Variants in PFDN1 observed in about 807,000 individuals in gnomAD.
The protein encoded by PFDN1 is prefoldin 1.
Under a neutral mutation model 17.3 loss-of-function variants are expected in PFDN1, and 6 were observed. That is an observed-to-expected ratio of 0.35 (90% confidence interval 0.19 to 0.69). The LOEUF is 0.69. Among genes scored for constraint, PFDN1 ranks in the 30% least tolerant of loss-of-function variants. The pLI is 0.65. For missense variants in PFDN1, 113 were observed against 146.2 expected, an observed-to-expected ratio of 0.77 and a Z score of 1.17; for synonymous variants, 58 against 50.1, an observed-to-expected ratio of 1.16 and a Z score of -0.67.
At chr5:140,264,171 T>G (rs1160730224) in intron 3 of PFDN1, among the ~76,000 whole-genome samples, 1 of 151,516 alleles carries the variant, frequency 6.6e-6, no homozygotes, top group Non-Finnish European at 1.5e-5. Context: ...TGAACTGAAC[T>G]GAGAACTCAC....
chr5:140,301,222 C>T (rs1189781743), intron 1 of PFDN1, among the ~76,000 whole-genome samples: 1 of 152,090 alleles, frequency 6.6e-6, no homozygotes, highest in African/African-American at 2.4e-5. Flanking sequence ...CTTTCCATTC[C>T]ACTGTCTATA....
At chr5:140,285,090 C>A (rs1299953365) in intron 2 of PFDN1, among the ~76,000 whole-genome samples, 1 of 152,176 alleles carries the variant, frequency 6.6e-6, no homozygotes, top group Non-Finnish European at 1.5e-5. Context: ...AAAGTATGGT[C>A]ACCTAGACAT....
chr5:140,291,601 G>A (rs1368959260), intron 2 of PFDN1, among the ~76,000 whole-genome samples: 2 of 151,620 alleles, frequency 1.3e-5, no homozygotes, highest in Non-Finnish European at 2.9e-5. Flanking sequence ...TCTGGGAGTT[G>A]TCAGTATATA....
At chr5:140,268,714 T>C (rs1468457414) in intron 3 of PFDN1, among the ~76,000 whole-genome samples, 1 of 152,132 alleles carries the variant, frequency 6.6e-6, no homozygotes, top group Non-Finnish European at 1.5e-5. Flanking sequence ...ATGCTACTAT[T>C]CTAAGTATCA....
intron 2 of PFDN1, among the ~76,000 whole-genome samples, chr5:140,287,290 G>A (rs533231181): frequency 1.2e-4 from 19 of 152,316 alleles, no homozygotes; most frequent in African/African-American, 3.4e-4. Flanking sequence ...CTGTGGTATC[G>A]AAGAGTCGGA....
intron 3 of PFDN1, among the ~76,000 whole-genome samples, chr5:140,252,243 G>T (rs1408687957): frequency 6.6e-6 from 1 of 152,084 alleles, no homozygotes; most frequent in African/African-American, 2.4e-5. Flanking sequence ...GACATACTAT[G>T]GATGTATACG....
chr5:140,288,327 T>C (rs933291577), intron 2 of PFDN1, among the ~76,000 whole-genome samples: 3 of 152,156 alleles, frequency 2.0e-5, no homozygotes, highest in Admixed American at 1.3e-4. Context: ...ATATATTGCA[T>C]CATTCCAACT....
At chr5:140,250,709 T>C (rs2126678060) in intron 3 of PFDN1, among the ~76,000 whole-genome samples, 1 of 152,332 alleles carries the variant, frequency 6.6e-6, no homozygotes, top group African/African-American at 2.4e-5. Context: ...ACACACTTTT[T>C]AGTTTTCCCT....
Position 140,300,284 on chromosome 5 carries a change from C to A in PFDN1, c.200+132G>T, listed in dbSNP as rs140653974. 1.3e-3 allele frequency: 850 copies of A among 650,902 alleles called. 5 individuals carry two copies. In the African/African-American group the frequency reaches 0.014, roughly 11 times the overall value. 40.3% of individuals were successfully genotyped at this position (650,902 alleles called of 1,614,324 possible). A position where few individuals can be genotyped will look rare whatever the true frequency, so the allele number is the denominator to read the frequency against. The stretch of plus-strand genomic sequence containing the variant: ...CCTCAAGTGATCCACTCGCCTCGAC[C>A]TCCCAAAGTGCCAGGATTACAGGCA... On this transcript the variant is annotated intron_variant, in intron 2 of 3. Coordinates refer to ENST00000261813, the MANE Select transcript of PFDN1 (RefSeq NM_002622.5).
chr5:140,254,760 T>C lies in PFDN1; in HGVS notation c.286-8703A>G, dbSNP rs1764962623. Among the ~76,000 whole-genome samples, 1 of 152,244 alleles carries C rather than the reference T, an allele frequency of 6.6e-6. No individual in the cohort carries two copies. The highest frequency in any genetic ancestry group is 2.4e-5 in the African/African-American group (1 of 41,456). On this transcript the variant is annotated intron_variant, in intron 3 of 3. Coordinates refer to ENST00000261813, the MANE Select transcript of PFDN1 (RefSeq NM_002622.5). The surrounding 1 kb of genome is among the most constrained non-coding windows in gnomAD (Gnocchi z 4.4). ...TCCAGGTCACTTCTGATACTCTCGC[T>C]CCAGCATTTCTTCAACCTCGTCACG...
chr5:140,252,289 T>A (rs1764926465), intron 3 of PFDN1, among the ~76,000 whole-genome samples: 1 of 152,222 alleles, frequency 6.6e-6, no homozygotes, highest in Admixed American at 6.5e-5. Flanking sequence ...ATAGCCCTGC[T>A]GGCTCATCTC....
At chr5:140,290,074 T>C (rs1226361109) in intron 2 of PFDN1, among the ~76,000 whole-genome samples, 1 of 152,226 alleles carries the variant, frequency 6.6e-6, no homozygotes, top group Non-Finnish European at 1.5e-5. Flanking sequence ...GTTGATGACT[T>C]TGGCAGACAT....
At chr5:140,299,510 T>C (rs1311217867) in intron 2 of PFDN1, among the ~76,000 whole-genome samples, 1 of 151,034 alleles carries the variant, frequency 6.6e-6, no homozygotes, top group African/African-American at 2.4e-5. Context: ...TGAGGCAGAA[T>C]TGTTTGAACC....
At chr5:140,297,286 AGTAAG>A (rs1322015625) in intron 2 of PFDN1, among the ~76,000 whole-genome samples, 1 of 152,246 alleles carries the variant, frequency 6.6e-6, no homozygotes. Context: ...GAAAAAACAA[AGTAAG>A]GTAAAGACTA....
At chr5:140,280,014 C>CAAAAAAAA (rs5871731) in intron 3 of PFDN1, among the ~76,000 whole-genome samples, 5 of 99,112 alleles carry the variant, frequency 5.0e-5, no homozygotes, top group African/African-American at 2.5e-4. Context: ...AAAAAAAAAA[C>CAAAAAAAA]AAAAAAAGAA....
At chr5:140,283,404 T>C (rs909818354) in intron 2 of PFDN1, among the ~76,000 whole-genome samples, 5 of 152,122 alleles carry the variant, frequency 3.3e-5, no homozygotes, top group African/African-American at 1.2e-4. Flanking sequence ...GGCTAATTTT[T>C]TCTATTTTTT....
At chr5:140,285,388 C>T (rs1161465734) in intron 2 of PFDN1, among the ~76,000 whole-genome samples, 2 of 151,192 alleles carry the variant, frequency 1.3e-5, no homozygotes, top group African/African-American at 2.4e-5. Context: ...TGCTTCTTTG[C>T]CTAACTCCAC....
At position 140,245,721 on chromosome 5, in the gene PFDN1, T is replaced by C; in HGVS notation, c.*253A>G. The C allele has an allele frequency of 1.6e-6, 1 of 614,104 alleles. No individual in the cohort carries two copies. The highest frequency in any genetic ancestry group is 1.8e-5 in the African/African-American group (1 of 54,360). The allele number at this position is 614,104 out of a possible 1,614,324, so 38.0% of individuals were successfully genotyped here. On this transcript the variant is annotated 3_prime_UTR_variant, in exon 4 of 4. Transcript: ENST00000261813. The stretch of plus-strand genomic sequence containing the variant: ...TTCCTATCTTGCCCTGGCTCCCATC[T>C]TCCCTCTCCTGGGAGTTCATCACAC...
At chr5:140,278,044 G>A (rs537247207) in intron 3 of PFDN1, among the ~76,000 whole-genome samples, 5 of 150,876 alleles carry the variant, frequency 3.3e-5, no homozygotes, top group African/African-American at 7.3e-5. Context: ...CCCAAACCCC[G>A]TCTCTACTAA....
Sources: allele counts gnomAD v4.1 joint callset (sites outside exome capture counted in the v4.1 genomes callset), GRCh38; gene constraint gnomAD v4.1.1; non-coding constraint Gnocchi (gnomAD v3.1); transcripts MANE v1.5; gene names NCBI Gene and HGNC (gene_info 2026-07-23, HGNC 2026-07-21).